Variants in PCDHGA2 observed in about 807,000 individuals in gnomAD.
The protein encoded by PCDHGA2 is protocadherin gamma subfamily A, 2, also known as protocadherin gamma-A2.
PCDHGA2 carries 40 observed loss-of-function variants against 59.2 expected under a neutral mutation model. The observed-to-expected ratio is 0.68, with a 90% confidence interval of 0.52 to 0.88. PCDHGA2 has a LOEUF of 0.88. Ranked by LOEUF, PCDHGA2 falls within the 40% of genes least tolerant of loss-of-function variation. The pLI, the probability that PCDHGA2 is intolerant of heterozygous loss-of-function variation, is 0.00. For synonymous variants in PCDHGA2, 560 were observed against 526.0 expected, an observed-to-expected ratio of 1.06 and a Z score of -0.89; for missense variants, 1,226 against 1,204.0, an observed-to-expected ratio of 1.02 and a Z score of -0.27.
At chr5:141,392,802 A>C in intron 1 of PCDHGA2, 2 of 1,572,582 alleles carry the variant, frequency 1.3e-6, no homozygotes, top group Non-Finnish European at 1.7e-6. Flanking sequence ...AGGATTCTGC[A>C]GCAAAACAAC....
chr5:141,351,432 A>T, intron 1 of PCDHGA2: 1 of 1,612,218 alleles, frequency 6.2e-7, no homozygotes, highest in Non-Finnish European at 8.5e-7. Context: ...TTCAAATTAG[A>T]ATCCACCTCG....
chr5:141,343,805 A>C, intron 1 of PCDHGA2: 1 of 457,870 alleles, frequency 2.2e-6, no homozygotes, highest in Non-Finnish European at 3.8e-6. Flanking sequence ...CTCAAGAAGG[A>C]GAACGCAGCT....
chr5:141,366,374 A>T, intron 1 of PCDHGA2: 3 of 1,614,052 alleles, frequency 1.9e-6, no homozygotes, highest in South Asian at 2.2e-5. Context: ...CAAGACCCCC[A>T]TTGACCCTGA....
intron 1 of PCDHGA2, chr5:141,400,589 A>G (rs771561940): frequency 4.4e-6 from 7 of 1,605,662 alleles, no homozygotes; most frequent in South Asian, 2.2e-5. Flanking sequence ...ACATGAAACT[A>G]TCGTACATTT....
intron 3 of PCDHGA2, among the ~76,000 whole-genome samples, chr5:141,510,369 C>G (rs1403924479): frequency 7.1e-6 from 1 of 140,308 alleles, no homozygotes; most frequent in Non-Finnish European, 1.6e-5. Context: ...TACCGAATCT[C>G]TACTCGTGCC....
chr5:141,388,225 T>C, intron 1 of PCDHGA2: 1 of 1,604,858 alleles, frequency 6.2e-7, no homozygotes, highest in Non-Finnish European at 8.5e-7. Flanking sequence ...GAAAATCCAC[T>C]GAACTTTTAT....
At chr5:141,496,994 T>A (rs2099773177) in intron 2 of PCDHGA2, among the ~76,000 whole-genome samples, 1 of 151,862 alleles carries the variant, frequency 6.6e-6, no homozygotes, top group Non-Finnish European at 1.5e-5. Flanking sequence ...GAGACCAGCC[T>A]GGCAGCCAAC....
At chr5:141,356,454 T>G in intron 1 of PCDHGA2, 1 of 1,613,414 alleles carries the variant, frequency 6.2e-7, no homozygotes, top group Non-Finnish European at 8.5e-7. Context: ...TCTCAGAATA[T>G]AACATCACTG....
intron 1 of PCDHGA2, among the ~76,000 whole-genome samples, chr5:141,488,534 A>C (rs1169478867): frequency 1.3e-5 from 2 of 152,292 alleles, no homozygotes; most frequent in East Asian, 3.9e-4. Flanking sequence ...AGAAAAGCTA[A>C]GTCCCATGTC....
Position 141,432,058 on chromosome 5 carries a change from C to T in PCDHGA2, c.2425-62749C>T, listed in dbSNP as rs2097444209. On this transcript the variant is annotated intron_variant, in intron 1 of 3. Coordinates refer to ENST00000394576, the MANE Select transcript of PCDHGA2 (RefSeq NM_018915.4). The surrounding 1 kb of genome is among the most constrained non-coding windows in gnomAD (Gnocchi z 6.0). ...CTGACCGGGGAACCCCGCCCCTATC[C>T]ACGGAAACTCATATCTCGCTGAACG... 1 of 1,614,210 alleles carries T rather than the reference C, an allele frequency of 6.2e-7. No individual in the cohort carries two copies.
At chr5:141,369,409 A>G (rs1468517805) in intron 1 of PCDHGA2, among the ~76,000 whole-genome samples, 1 of 152,194 alleles carries the variant, frequency 6.6e-6, no homozygotes, top group Non-Finnish European at 1.5e-5. Flanking sequence ...GTTCATGACT[A>G]TAATCCCAGC....
In PCDHGA2 at chr5:141,491,759, G is replaced by A; in HGVS notation, c.2425-3048G>A. On this transcript the variant is annotated intron_variant, in intron 1 of 3. Coordinates refer to ENST00000394576, the MANE Select transcript of PCDHGA2 (RefSeq NM_018915.4). The surrounding 1 kb of genome is among the most constrained non-coding windows in gnomAD (Gnocchi z 6.9). ...GGGGGCGGCACTGGAGAAGCCGCCC[G>A]TCCTCATAAGGGATTGAACTTGCAT... 2 of 1,575,392 alleles carry A rather than the reference G, an allele frequency of 1.3e-6. No homozygotes were observed. The highest frequency in any genetic ancestry group is 1.9e-5 in the Admixed American group (1 of 52,640).
chr5:141,423,121 G>T lies in PCDHGA2; in HGVS notation c.2425-71686G>T, dbSNP rs368205535. The T allele has an allele frequency of 5.6e-6, 9 of 1,613,680 alleles. No homozygotes were observed. The African/African-American group carries it at 1.1e-4, about 19-fold the overall frequency. ...CACGGGCGAGGTGCGTACAGCGCGG[G>T]CACTGCTGGACAGAGACGCGCTCAA... On this transcript the variant is annotated intron_variant, in intron 1 of 3. Coordinates refer to ENST00000394576, the MANE Select transcript of PCDHGA2 (RefSeq NM_018915.4).
intron 1 of PCDHGA2, among the ~76,000 whole-genome samples, chr5:141,433,805 C>T (rs1325364387): frequency 1.3e-5 from 2 of 150,004 alleles, no homozygotes; most frequent in South Asian, 4.2e-4. Flanking sequence ...CCATTGCACT[C>T]CAGCCTGGGC....
chr5:141,512,262 C>G lies in PCDHGA2; in HGVS notation c.*1089C>G, dbSNP rs925517361. On this transcript the variant is annotated 3_prime_UTR_variant, in exon 4 of 4. Transcript: ENST00000394576. ...GAGGGGCCTCTGTGGGTGCTGGGTA[C>G]TCCAGAGGTGCCACTGGTGGAAGGG... 1 of 152,712 alleles carries G rather than the reference C, an allele frequency of 6.5e-6. No homozygotes were observed. The highest frequency in any genetic ancestry group is 2.4e-5 in the African/African-American group (1 of 41,452). 9.5% of individuals were successfully genotyped at this position (152,712 alleles called of 1,614,324 possible).
intron 1 of PCDHGA2, chr5:141,398,580 A>T: frequency 1.2e-6 from 2 of 1,614,044 alleles, no homozygotes; most frequent in Non-Finnish European, 1.7e-6. Flanking sequence ...CTGGCACAAG[A>T]TTTATACTAG....
Position 141,423,508 on chromosome 5 carries a change from A to T in PCDHGA2, c.2425-71299A>T, listed in dbSNP as rs962526072. ...AACCTATTCCCACGAGGTCTCTCTCATTGCGGACTCGCAGAAGAGTCACCT... is the reference window on the plus strand; with the variant it reads ...AACCTATTCCCACGAGGTCTCTCTCTTTGCGGACTCGCAGAAGAGTCACCT... On this transcript the variant is annotated intron_variant, in intron 1 of 3. Coordinates refer to ENST00000394576, the MANE Select transcript of PCDHGA2 (RefSeq NM_018915.4). The T allele has an allele frequency of 9.9e-6, 16 of 1,613,742 alleles. No homozygotes were observed. The highest frequency in any genetic ancestry group is 1.6e-4 in the Middle Eastern group (1 of 6,084).
intron 1 of PCDHGA2, chr5:141,478,198 ACTT>A (rs2099438516): frequency 1.2e-6 from 2 of 1,613,746 alleles, no homozygotes; most frequent in African/African-American, 1.3e-5. Context: ...CCTTTTATCT[ACTT>A]CTTTCTCTAA....
chr5:141,408,316 G>T (rs1407149479), intron 1 of PCDHGA2: 2 of 1,613,750 alleles, frequency 1.2e-6, no homozygotes, highest in African/African-American at 1.3e-5. Flanking sequence ...ACTCGATTCC[G>T]GAGGAGCTGG....
Sources: gnomAD v4.1 joint callset for allele counts (sites outside exome capture counted in the v4.1 genomes callset) on GRCh38, gnomAD v4.1.1 for gene constraint, Gnocchi (gnomAD v3.1) non-coding constraint, MANE v1.5 for transcripts, NCBI Gene and HGNC (gene_info 2026-07-23, HGNC 2026-07-21) for gene names.